Variants in PDXDC1 observed in about 807,000 individuals in gnomAD.
PDXDC1 encodes the protein pyridoxal-dependent decarboxylase domain-containing protein 1.
A neutral mutation model predicts 100.1 loss-of-function variants in PDXDC1; 42 were observed. The ratio of observed to expected loss-of-function variants is 0.42; its 90% CI spans 0.33 to 0.54. PDXDC1 has a LOEUF of 0.54. PDXDC1 is among the 20% of genes least tolerant of loss of function. The probability of loss-of-function intolerance (pLI) is 0.10; values close to 1 mark genes in which losing one functional copy is unlikely to be tolerated. For missense variants in PDXDC1, 636 were observed against 979.2 expected (o/e 0.65, Z 4.68); for synonymous variants, 260 against 371.7 (o/e 0.70, Z 3.46).
intron 8 of PDXDC1, among the ~76,000 whole-genome samples, chr16:15,011,631 C>CTTTTTTTTTTTT: frequency 9.1e-5 from 12 of 131,268 alleles, no homozygotes; most frequent in Non-Finnish European, 1.1e-4. Context: ...ACATTTTTTT[C>CTTTTTTTTTTTT]TTTTTTTTTT....
chr16:15,151,764 T>C, the PDXDC1 span, among the ~76,000 whole-genome samples: 1 of 120,248 alleles, frequency 8.3e-6, no homozygotes, highest in Non-Finnish European at 2.0e-5. Context: ...AAACCCTGTC[T>C]CTACTAAAAA....
At chr16:15,062,029 A>G (rs979831792) in intron 16 of PDXDC1, 1 of 1,021,066 alleles carries the variant, frequency 9.8e-7, no homozygotes, top group Non-Finnish European at 1.4e-6. Context: ...TAATTTCAAA[A>G]GAAAGCCAGT....
chr16:15,048,234 G>A, intron 16 of PDXDC1: 2 of 625,972 alleles, frequency 3.2e-6, no homozygotes, highest in Non-Finnish European at 5.6e-6. Context: ...TGGACAGAGA[G>A]GCTCAAAGAA....
chr16:15,044,230 G>C, intron 16 of PDXDC1: 3 of 731,482 alleles, frequency 4.1e-6, no homozygotes, highest in Non-Finnish European at 4.8e-6. Flanking sequence ...CTCCAAGTGG[G>C]TGTGCCCTTC....
At chr16:15,071,789 C>A (rs1376873357) in intron 16 of PDXDC1, among the ~76,000 whole-genome samples, 4 of 152,026 alleles carry the variant, frequency 2.6e-5, no homozygotes, top group Non-Finnish European at 5.9e-5. Flanking sequence ...AAACAAAAAA[C>A]AACAAAAAAT....
intron 16 of PDXDC1, chr16:15,061,984 T>A: frequency 3.0e-6 from 4 of 1,335,836 alleles, no homozygotes; most frequent in Non-Finnish European, 4.2e-6. Flanking sequence ...CTCAGGAAGG[T>A]GTTAACGTTT....
chr16:15,050,081 T>C (rs2044237997), intron 16 of PDXDC1, among the ~76,000 whole-genome samples: 1 of 152,164 alleles, frequency 6.6e-6, no homozygotes, highest in South Asian at 2.1e-4. Flanking sequence ...ATTGTTAGAA[T>C]ACAAAAACAA....
chr16:15,073,928 A>G (rs2082066167), intron 16 of PDXDC1, among the ~76,000 whole-genome samples: 1 of 152,178 alleles, frequency 6.6e-6, no homozygotes, highest in Non-Finnish European at 1.5e-5. Context: ...ATGATATGAG[A>G]AAATGTTTAT....
chr16:15,075,248 ACC>A (rs2045401531), intron 16 of PDXDC1, among the ~76,000 whole-genome samples: 1 of 144,326 alleles, frequency 6.9e-6, no homozygotes. Context: ...TCTGTGCCCC[ACC>A]AAAAAAAAAA....
At chr16:15,034,234 G>T in intron 19 of PDXDC1, 52 bp from the exon 20 acceptor site, 2 of 1,516,138 alleles carry the variant, frequency 1.3e-6, no homozygotes, top group East Asian at 2.3e-5. Flanking sequence ...AGCTCTTCTG[G>T]GCCCCAGGTG....
intron 1 of PDXDC1, 177 bp downstream of exon 1, chr16:14,975,397 G>C: frequency 1.0e-6 from 1 of 985,478 alleles, no homozygotes. Context: ...GCGTCACGGG[G>C]CCGGGTGTCT....
chr16:15,144,993 T>G, the PDXDC1 span, among the ~76,000 whole-genome samples: 1 of 152,126 alleles, frequency 6.6e-6, no homozygotes, highest in South Asian at 2.1e-4. Context: ...GTGACCCCCT[T>G]GCATCCCTCT....
At position 14,989,266 on chromosome 16, in the gene PDXDC1, C is replaced by T. The variant is rs1276045135; in HGVS notation, c.22-8487C>T. ...TCCTTGGCTGCTTTGCTTTTGGGCACCTGGGGGATAATGGGGCCAGAGACG... is the reference window on the plus strand; with the variant it reads ...TCCTTGGCTGCTTTGCTTTTGGGCATCTGGGGGATAATGGGGCCAGAGACG... On this transcript the variant is annotated intron_variant, in intron 1 of 22. Coordinates refer to ENST00000396410, the MANE Select transcript of PDXDC1 (RefSeq NM_015027.4). 548 of 1,613,252 alleles carry T rather than the reference C, an allele frequency of 3.4e-4. No individual in the cohort carries two copies. In the African/African-American group the frequency reaches 6.6e-3, roughly 19 times the overall value.
chr16:15,043,737 C>A (rs575965031), intron 16 of PDXDC1, among the ~76,000 whole-genome samples: 1 of 152,140 alleles, frequency 6.6e-6, no homozygotes, highest in Admixed American at 6.5e-5. Flanking sequence ...ATCACCAGGT[C>A]GGGAGTTCAC....
chr16:15,092,948 T>C (rs549544754), intron 16 of PDXDC1, among the ~76,000 whole-genome samples: 1 of 152,330 alleles, frequency 6.6e-6, no homozygotes, highest in East Asian at 1.9e-4. Flanking sequence ...CAAGCTGTTT[T>C]TCATTTCACT....
At chr16:15,023,563 G>A (rs1168763850) in intron 13 of PDXDC1, among the ~76,000 whole-genome samples, 14 of 152,294 alleles carry the variant, frequency 9.2e-5, no homozygotes, top group Non-Finnish European at 1.8e-4. Context: ...GGAGGCTGAA[G>A]TGAAAGAATT....
At chr16:15,132,728 T>C (rs951374040) in intron 16 of PDXDC1, 83 of 1,070,564 alleles carry the variant, frequency 7.8e-5, no homozygotes, top group Non-Finnish European at 1.1e-4. Flanking sequence ...TACCATGCAC[T>C]GGGCCAGCGC....
rs554953327 is a variant in PDXDC1, at chr16:15,037,069, C to T, written c.*794C>T. 13 of 152,310 alleles carry T rather than the reference C, an allele frequency of 8.5e-5. No homozygotes were observed. The East Asian group carries it at 1.9e-3, about 23-fold the overall frequency. The allele number at this position is 152,310 out of a possible 1,614,324, so 9.4% of individuals were successfully genotyped here. ...TGCTACCCTTAAGAGCTTGCTCTTCCGTGTGCTACGTAGCACCCACCTGGT... is the reference window on the plus strand; with the variant it reads ...TGCTACCCTTAAGAGCTTGCTCTTCTGTGTGCTACGTAGCACCCACCTGGT... On this transcript the variant is annotated 3_prime_UTR_variant, in exon 23 of 23. Transcript: ENST00000396410.
intron 17 of PDXDC1, chr16:15,032,236 A>G: frequency 3.3e-6 from 1 of 304,914 alleles, no homozygotes; most frequent in African/African-American, 2.1e-5. Flanking sequence ...AGTAAGAAAA[A>G]GAACCCAGCT....
Sources: gnomAD v4.1 joint callset for allele counts (sites outside exome capture counted in the v4.1 genomes callset) on GRCh38, gnomAD v4.1.1 for gene constraint, MANE v1.5 for transcripts, NCBI Gene and HGNC (gene_info 2026-07-23, HGNC 2026-07-21) for gene names.